The following LRFN5 variants were observed in gnomAD, a reference collection of about 807,000 sequenced individuals.
The protein encoded by LRFN5 is leucine-rich repeat and fibronectin type-III domain-containing protein 5.
Under a neutral mutation model 45.6 loss-of-function variants are expected in LRFN5, and 24 were observed. The observed-to-expected ratio is 0.53, with a 90% CI of 0.38 to 0.74. The LOEUF (loss-of-function observed/expected upper bound fraction) is 0.74. Ranked by LOEUF, LRFN5 falls within the 30% of genes least tolerant of loss-of-function variation. The probability of loss-of-function intolerance (pLI) is 0.00; values close to 1 mark genes in which losing one functional copy is unlikely to be tolerated. For synonymous variants in LRFN5, 340 were observed against 313.8 expected (o/e 1.08, Z -0.88); for missense variants, 776 against 861.5 (o/e 0.90, Z 1.24).
At chr14:41,811,765 G>A (rs1887744158) in intron 2 of LRFN5, among the ~76,000 whole-genome samples, 1 of 152,032 alleles carries the variant, frequency 6.6e-6, no homozygotes, top group Non-Finnish European at 1.5e-5. Context: ...GGTCAGGTGG[G>A]AAGGCTTGGG....
rs1170896489 is a variant in LRFN5, at chr14:41,670,228, TACAC to T, written c.-197+61682_-197+61685del. 2.5e-4 allele frequency among the ~76,000 whole-genome samples: 32 copies of T among 126,682 alleles called. 1 individual carries two copies. The highest frequency in any genetic ancestry group is 3.5e-4 in the African/African-American group (12 of 34,752). 83.1% of individuals were successfully genotyped at this position (126,682 alleles called of 152,430 possible). A position where few individuals can be genotyped will look rare whatever the true frequency, so the allele number is the denominator to read the frequency against. ...CTGTGTGTGTGTGTATATATATGTA[TACAC>T]ACACACACACACACATACACACAGA... On this transcript the variant is annotated intron_variant, in intron 1 of 5. Coordinates refer to ENST00000298119, the MANE Select transcript of LRFN5 (RefSeq NM_152447.5).
At chr14:41,830,297 A>G (rs959515026) in intron 2 of LRFN5, among the ~76,000 whole-genome samples, 2 of 151,934 alleles carry the variant, frequency 1.3e-5, no homozygotes, top group South Asian at 2.1e-4. Flanking sequence ...TTCATGATCA[A>G]TACTCATATG....
At chr14:41,844,238 C>T (rs369651713) in intron 2 of LRFN5, among the ~76,000 whole-genome samples, 16 of 151,916 alleles carry the variant, frequency 1.1e-4, no homozygotes, top group Admixed American at 8.5e-4. Context: ...GAGATCGAGA[C>T]CATCCTGGCT....
intron 1 of LRFN5, among the ~76,000 whole-genome samples, chr14:41,667,040 C>A (rs956661426): frequency 2.0e-5 from 3 of 152,064 alleles, no homozygotes; most frequent in Non-Finnish European, 4.4e-5. Flanking sequence ...ACAGTCTTAA[C>A]AATTTTATTT....
chr14:41,673,728 A>G (rs1594603020), intron 1 of LRFN5, among the ~76,000 whole-genome samples: 1 of 117,752 alleles, frequency 8.5e-6, no homozygotes, highest in African/African-American at 3.3e-5. Flanking sequence ...GGGGCTCCTC[A>G]CTTCCCAGTA....
intron 1 of LRFN5, among the ~76,000 whole-genome samples, chr14:41,664,916 A>C (rs1423128427): frequency 2.6e-5 from 4 of 152,062 alleles, no homozygotes; most frequent in African/African-American, 9.7e-5. Flanking sequence ...TTCTATCCAC[A>C]GGATAACTGC....
Position 41,893,350 on chromosome 14 carries a change from C to T in LRFN5, c.2098+1388C>T. On this transcript the variant is annotated intron_variant, in intron 4 of 5. Coordinates refer to ENST00000298119, the MANE Select transcript of LRFN5 (RefSeq NM_152447.5). ...AATTATATAATAATTTGATGGTGTT[C>T]TATTAAAGATCTATAAACAGTTACC... 41 of 939,968 alleles carry T rather than the reference C, an allele frequency of 4.4e-5. 1 individual carries two copies. Among genetic ancestry groups the T allele is most frequent in the Non-Finnish European group, 5.1e-5 (41 of 807,862 alleles). The allele number at this position is 939,968 out of a possible 1,614,324, so 58.2% of individuals were successfully genotyped here. A position where few individuals can be genotyped will look rare whatever the true frequency, so the allele number is the denominator to read the frequency against.
Position 41,624,382 on chromosome 14 carries a change from G to T in LRFN5, c.-197+15820G>T, listed in dbSNP as rs565139883. On this transcript the variant is annotated intron_variant, in intron 1 of 5. Coordinates refer to ENST00000298119, the MANE Select transcript of LRFN5 (RefSeq NM_152447.5). ...TAATCATGAACAAGGAGAATATACT[G>T]TAATATAATATTATATCATTTGTTG... 3.3e-5 allele frequency among the ~76,000 whole-genome samples: 5 copies of T among 152,098 alleles called. No homozygotes were observed. In the South Asian group the frequency reaches 1.0e-3, roughly 32 times the overall value.
chr14:41,745,002 G>T (rs1055448775), intron 1 of LRFN5, among the ~76,000 whole-genome samples: 5 of 151,974 alleles, frequency 3.3e-5, no homozygotes, highest in Non-Finnish European at 1.5e-5. Flanking sequence ...GAAGATAGAA[G>T]ATTTAATGAA....
At chr14:41,714,654 T>C (rs10148998) in intron 1 of LRFN5, among the ~76,000 whole-genome samples, 26,499 of 152,076 alleles carry the variant, frequency 0.17, 2,450 homozygotes, top group Non-Finnish European at 0.22. Context: ...GCCTGTAATC[T>C]CAGCACTTTG....
At chr14:41,880,985 G>C (rs766987795) in intron 2 of LRFN5, among the ~76,000 whole-genome samples, 1 of 151,808 alleles carries the variant, frequency 6.6e-6, no homozygotes. Flanking sequence ...TTTACTTTTA[G>C]TTGTTCATAT....
At chr14:41,836,660 G>C (rs1435921787) in intron 2 of LRFN5, among the ~76,000 whole-genome samples, 1 of 152,054 alleles carries the variant, frequency 6.6e-6, no homozygotes, top group Non-Finnish European at 1.5e-5. Flanking sequence ...CCCAATTTTT[G>C]CTAATTGACA....
intron 2 of LRFN5, among the ~76,000 whole-genome samples, chr14:41,839,499 T>C (rs1324925632): frequency 6.6e-6 from 1 of 152,146 alleles, no homozygotes; most frequent in African/African-American, 2.4e-5. Context: ...TAATTATACT[T>C]ATTGCCAGTC....
At chr14:41,735,549 G>A (rs943446394) in intron 1 of LRFN5, among the ~76,000 whole-genome samples, 4 of 151,942 alleles carry the variant, frequency 2.6e-5, no homozygotes, top group Non-Finnish European at 5.9e-5. Flanking sequence ...TGGGATTATA[G>A]GTATAGGCCA....
At chr14:41,613,791 G>T (rs1887841624) in intron 1 of LRFN5, among the ~76,000 whole-genome samples, 2 of 151,950 alleles carry the variant, frequency 1.3e-5, no homozygotes, top group Admixed American at 6.6e-5. Context: ...ATGTAATCAG[G>T]AATGGAAGCC....
intron 2 of LRFN5, among the ~76,000 whole-genome samples, chr14:41,860,030 T>A (rs1297094809): frequency 6.6e-6 from 1 of 152,184 alleles, no homozygotes; most frequent in African/African-American, 2.4e-5. Flanking sequence ...GCTTAACTTT[T>A]TTCCAAATAT....
intron 2 of LRFN5, among the ~76,000 whole-genome samples, chr14:41,833,450 G>T (rs973244495): frequency 2.6e-4 from 39 of 152,120 alleles, no homozygotes; most frequent in African/African-American, 8.2e-4. Context: ...TAACCATCCA[G>T]CCAAAATATT....
chr14:41,753,419 G>C (rs932484014), intron 1 of LRFN5, among the ~76,000 whole-genome samples: 14 of 152,062 alleles, frequency 9.2e-5, no homozygotes, highest in African/African-American at 3.4e-4. Context: ...TCTTCCATTT[G>C]TTTGTATCCT....
At chr14:41,774,390 A>G (rs950351125) in intron 2 of LRFN5, among the ~76,000 whole-genome samples, 5 of 152,218 alleles carry the variant, frequency 3.3e-5, no homozygotes, top group African/African-American at 1.2e-4. Context: ...ATGAAACAGA[A>G]TATAGGAGCC....
Sources: gnomAD v4.1 joint callset for allele counts (sites outside exome capture counted in the v4.1 genomes callset) on GRCh38, gnomAD v4.1.1 for gene constraint, MANE v1.5 for transcripts, NCBI Gene and HGNC (gene_info 2026-07-23, HGNC 2026-07-21) for gene names.